Variants in GSE1 observed in about 807,000 individuals in gnomAD.
GSE1 encodes genetic suppressor element 1.
GSE1 carries 32 observed loss-of-function variants against 112.6 expected under a neutral mutation model. The observed-to-expected ratio is 0.28, with a 90% CI of 0.21 to 0.38. The LOEUF (loss-of-function observed/expected upper bound fraction) is 0.38, where lower values mean the gene tolerates loss of function less well. Among genes scored for constraint, GSE1 ranks in the 10% least tolerant of loss-of-function variants. The pLI, the probability that GSE1 is intolerant of heterozygous loss-of-function variation, is 1.00. For synonymous variants in GSE1, 1,115 were observed against 735.6 expected, an observed-to-expected ratio of 1.52 and a Z score of -8.35; for missense variants, 2,348 against 1,699.2, an observed-to-expected ratio of 1.38 and a Z score of -6.71.
chr16:85,384,844 A>G (rs986668080), intron 2 of GSE1, among the ~76,000 whole-genome samples: 1 of 152,176 alleles, frequency 6.6e-6, no homozygotes, highest in Non-Finnish European at 1.5e-5. Context: ...GAGGGGACAG[A>G]GCAGGCCTGT....
intron 2 of GSE1, among the ~76,000 whole-genome samples, chr16:85,393,310 C>G (rs1472995038): frequency 6.6e-6 from 1 of 152,198 alleles, no homozygotes; most frequent in Non-Finnish European, 1.5e-5. Flanking sequence ...GAACTTGAGG[C>G]TGTCTGAGGC....
At chr16:85,286,669 A>G (rs2045036181) in intron 1 of GSE1, among the ~76,000 whole-genome samples, 1 of 151,450 alleles carries the variant, frequency 6.6e-6, no homozygotes, top group Non-Finnish European at 1.5e-5. Flanking sequence ...CGCATCTATT[A>G]GTCCAATTGC....
chr16:85,323,946 C>T (rs1372424188), intron 1 of GSE1, among the ~76,000 whole-genome samples: 1 of 152,218 alleles, frequency 6.6e-6, no homozygotes, highest in Non-Finnish European at 1.5e-5. Context: ...AGCCCAGGAG[C>T]ATTTTCTGTG....
Position 85,665,022 on chromosome 16 carries a change from G to A in GSE1, c.2652G>A (p.Glu884=), listed in dbSNP as rs776677856. 4 of 1,600,652 alleles carry A rather than the reference G, an allele frequency of 2.5e-6. No homozygotes were observed. In the Admixed American group the frequency reaches 5.0e-5, roughly 20 times the overall value. ...HISAEKRKDK[E]RLVEMLRAMK... ...AGGCTGCTTTTCTCATAGACAAAGA[G>A]AGACTTGTTGAAATGCTCCGTGCCA... Residue 884 remains glutamate (E), a synonymous_variant, in exon 12 of 16, where the codon GAG becomes GAA. Coordinates refer to ENST00000253458, the MANE Select transcript of GSE1 (RefSeq NM_014615.5).
rs754838483 is a variant in GSE1, at chr16:85,419,101, G to T, written c.2464+61458G>T. Among the ~76,000 whole-genome samples the T allele has an allele frequency of 6.6e-6, 1 of 152,148 alleles. No homozygotes were observed. The highest frequency in any genetic ancestry group is 1.5e-5 in the Non-Finnish European group (1 of 68,032). Reference sequence around the variant, plus strand: ...GTGGGCGTCCCAGCGCACAGATGGCGTGTAAAGCTGGGAGACTGGGGAGAC... The same window carrying T: ...GTGGGCGTCCCAGCGCACAGATGGCTTGTAAAGCTGGGAGACTGGGGAGAC... On this transcript the variant is annotated intron_variant, in intron 2 of 2. Transcript: ENST00000637419. The surrounding 1 kb of genome is among the most constrained non-coding windows in gnomAD (Gnocchi z 6.5).
chr16:85,563,212 G>A (rs1475425877), intron 1 of GSE1, among the ~76,000 whole-genome samples: 1 of 144,548 alleles, frequency 6.9e-6, no homozygotes, highest in Non-Finnish European at 1.5e-5. Flanking sequence ...TTTCTTTTAA[G>A]AGCGCCATAT....
At chr16:85,657,687 C>T (rs12444392) in intron 8 of GSE1, 83 bp downstream of exon 8, 11,310 of 930,330 alleles carry the variant, frequency 0.012, 189 homozygotes, top group Admixed American at 0.055. Context: ...CCTGTTTGCC[C>T]AACATCCTGC....
intron 2 of GSE1, among the ~76,000 whole-genome samples, chr16:85,538,402 C>T (rs1343662489): frequency 3.9e-5 from 6 of 152,046 alleles, no homozygotes; most frequent in Non-Finnish European, 7.4e-5. Context: ...TACAGCAGTG[C>T]GGCAGGGAGT....
chr16:85,636,027 G>C (rs1376865637), intron 2 of GSE1, among the ~76,000 whole-genome samples: 1 of 152,230 alleles, frequency 6.6e-6, no homozygotes, highest in African/African-American at 2.4e-5. Context: ...GGTGGCCTGA[G>C]TGCCAGAGGC....
intron 1 of GSE1, among the ~76,000 whole-genome samples, chr16:85,259,051 T>C (rs1291043991): frequency 6.6e-6 from 1 of 152,062 alleles, no homozygotes; most frequent in Non-Finnish European, 1.5e-5. Context: ...CCCCTCTTGG[T>C]CCTGGAGAGA....
rs552794964 is a variant in GSE1 at position 85,445,230 on chromosome 16, G to A, written c.2464+87587G>A. ...TGCTGCTTGCTCTCCTCTCCCGGGA[G>A]CAGCTGCCACGTGCGGTAATTAGAG... On this transcript the variant is annotated intron_variant, in intron 2 of 2. Coordinates refer to the GSE1 transcript ENST00000637419. Among the ~76,000 whole-genome samples the A allele has an allele frequency of 2.0e-5, 3 of 152,372 alleles. No homozygotes were observed. In the South Asian group the frequency reaches 6.2e-4, roughly 32 times the overall value.
intron 1 of GSE1, among the ~76,000 whole-genome samples, chr16:85,253,555 G>A (rs1468726016): frequency 6.6e-6 from 1 of 152,204 alleles, no homozygotes; most frequent in African/African-American, 2.4e-5. Context: ...GGGATTGGGA[G>A]GCCTCACCCT....
intron 2 of GSE1, among the ~76,000 whole-genome samples, chr16:85,368,052 C>G (rs1209473723): frequency 1.3e-5 from 2 of 152,028 alleles, no homozygotes; most frequent in Non-Finnish European, 2.9e-5. Context: ...CGGGGTTACT[C>G]CATGTTGGTC....
chr16:85,300,800 A>G (rs1053611939), intron 1 of GSE1, among the ~76,000 whole-genome samples: 1 of 151,998 alleles, frequency 6.6e-6, no homozygotes, highest in Non-Finnish European at 1.5e-5. Flanking sequence ...ATTTACAGTC[A>G]AGCCAGTTGG....
intron 1 of GSE1, among the ~76,000 whole-genome samples, chr16:85,314,029 T>C (rs997421407): frequency 1.3e-5 from 2 of 151,388 alleles, no homozygotes; most frequent in Non-Finnish European, 1.5e-5. Flanking sequence ...GTATAAGACA[T>C]AGCCATTTGT....
In GSE1 at chr16:85,675,096, A is replaced by C. The variant is rs1444659381; in HGVS notation, c.*2557A>C. ...AAAACTTACTTTCAGATTATTCTCA[A>C]AGAACACAGTAGCACCTAAATCTGT... On this transcript the variant is annotated 3_prime_UTR_variant, in exon 16 of 16. Transcript: ENST00000253458. 1 of 152,264 alleles carries C rather than the reference A, an allele frequency of 6.6e-6. No individual in the cohort carries two copies. Among genetic ancestry groups the C allele is most frequent in the African/African-American group, 2.4e-5 (1 of 41,456 alleles). The allele number at this position is 152,264 out of a possible 1,614,324, so 9.4% of individuals were successfully genotyped here.
intron 2 of GSE1, among the ~76,000 whole-genome samples, chr16:85,471,442 C>G (rs1274211968): frequency 6.6e-6 from 1 of 152,340 alleles, no homozygotes; most frequent in African/African-American, 2.4e-5. Flanking sequence ...GAGGCAAAGT[C>G]TCACTCCATC....
chr16:85,240,270 C>T (rs1905069321), intron 1 of GSE1, among the ~76,000 whole-genome samples: 2 of 152,306 alleles, frequency 1.3e-5, no homozygotes, highest in African/African-American at 2.4e-5. Context: ...AGTCATTAGC[C>T]CAGGGGCTTC....
intron 2 of GSE1, among the ~76,000 whole-genome samples, chr16:85,410,260 C>T (rs1261239816): frequency 2.4e-5 from 1 of 41,816 alleles, no homozygotes; most frequent in Non-Finnish European, 4.0e-5. Context: ...CTGTTACTCT[C>T]AGGCCCCCCG....
Sources: gnomAD v4.1 joint callset for allele counts (sites outside exome capture counted in the v4.1 genomes callset) on GRCh38, gnomAD v4.1.1 for gene constraint, Gnocchi (gnomAD v3.1) non-coding constraint, MANE v1.5 for transcripts, NCBI Gene and HGNC (gene_info 2026-07-23, HGNC 2026-07-21) for gene names.